STK32B: variants seen among roughly 807,000 people sequenced by gnomAD.
The protein encoded by STK32B is serine/threonine kinase 32B, also known as serine/threonine-protein kinase 32B.
STK32B carries 43 observed loss-of-function variants against 52.6 expected under a neutral mutation model. The ratio of observed to expected loss-of-function variants is 0.82; its 90% CI spans 0.64 to 1.05. STK32B has a LOEUF of 1.05. Among genes scored for constraint, STK32B ranks in the 50% least tolerant of loss-of-function variants. STK32B has a pLI of 0.00. For missense variants in STK32B, 621 were observed against 534.6 expected (o/e 1.16, Z -1.59); for synonymous variants, 238 against 204.3 (o/e 1.17, Z -1.41).
intron 2 of STK32B, among the ~76,000 whole-genome samples, chr4:5,151,708 A>G (rs1717381780): frequency 2.0e-5 from 3 of 152,176 alleles, no homozygotes; most frequent in Admixed American, 2.0e-4. Context: ...TAGATTTTGG[A>G]GTCAGGCTGA....
At chr4:5,109,886 A>G (rs1714302934) in intron 1 of STK32B, among the ~76,000 whole-genome samples, 1 of 152,096 alleles carries the variant, frequency 6.6e-6, no homozygotes, top group Non-Finnish European at 1.5e-5. Flanking sequence ...CCTCTAGAAG[A>G]CTCCTAAACC....
intron 2 of STK32B, among the ~76,000 whole-genome samples, chr4:5,156,021 T>TAC (rs1301388890): frequency 6.6e-6 from 1 of 151,982 alleles, no homozygotes; most frequent in Non-Finnish European, 1.5e-5. Context: ...AGTATATATG[T>TAC]ACATATACCT....
intron 2 of STK32B, among the ~76,000 whole-genome samples, chr4:5,167,351 T>A (rs573308156): frequency 7.5e-4 from 114 of 152,326 alleles, no homozygotes; most frequent in African/African-American, 2.5e-3. Flanking sequence ...AAGGTTCTTA[T>A]AGGGATTCAG....
chr4:5,181,519 G>A (rs1403952940), intron 3 of STK32B, among the ~76,000 whole-genome samples: 1 of 152,190 alleles, frequency 6.6e-6, no homozygotes, highest in Non-Finnish European at 1.5e-5. Context: ...GACTAATAAA[G>A]GTCTCCACTA....
At chr4:5,139,830 A>G (rs948414467) in intron 1 of STK32B, 75 bp from the exon 2 acceptor site, 65 of 1,565,088 alleles carry the variant, frequency 4.2e-5, no homozygotes, top group Admixed American at 3.3e-5. Flanking sequence ...GGGTAGGTAC[A>G]TAGGTAAGGA....
At chr4:5,164,360 C>T (rs1718699037) in intron 2 of STK32B, among the ~76,000 whole-genome samples, 2 of 152,234 alleles carry the variant, frequency 1.3e-5, no homozygotes, top group Admixed American at 1.3e-4. Flanking sequence ...GGATGTGTCT[C>T]CTCCCCTTCT....
intron 4 of STK32B, among the ~76,000 whole-genome samples, chr4:5,345,908 C>T (rs1276922296): frequency 2.6e-5 from 4 of 152,218 alleles, no homozygotes; most frequent in Admixed American, 6.5e-5. Context: ...TCAACATCCT[C>T]CCTCCCTGAA....
intron 1 of STK32B, among the ~76,000 whole-genome samples, chr4:5,055,682 C>G (rs1404876292): frequency 6.6e-6 from 1 of 152,156 alleles, no homozygotes; most frequent in East Asian, 1.9e-4. Context: ...CTGCCTCCTT[C>G]CTGCTCGTCT....
intron 2 of STK32B, among the ~76,000 whole-genome samples, chr4:5,144,085 G>C (rs536697676): frequency 8.3e-4 from 126 of 152,240 alleles, no homozygotes; most frequent in Middle Eastern, 3.4e-3. Context: ...ATAACACATT[G>C]GGCGGACACA....
chr4:5,084,323 C>T (rs897475028), intron 1 of STK32B, among the ~76,000 whole-genome samples: 1 of 152,160 alleles, frequency 6.6e-6, no homozygotes, highest in Non-Finnish European at 1.5e-5. Context: ...TGAGCGCCTT[C>T]TGCCAAACTT....
chr4:5,166,444 G>A (rs530612035), intron 2 of STK32B, among the ~76,000 whole-genome samples: 30 of 148,932 alleles, frequency 2.0e-4, no homozygotes, highest in African/African-American at 3.2e-4. Context: ...TGGAAATGGC[G>A]TCATTTTAAG....
chr4:5,485,916 G>A (rs191537389), intron 11 of STK32B, among the ~76,000 whole-genome samples: 221 of 152,338 alleles, frequency 1.5e-3, no homozygotes, highest in Admixed American at 2.6e-3. Flanking sequence ...TTGGTGAACA[G>A]CAAATGTTGC....
intron 3 of STK32B, among the ~76,000 whole-genome samples, chr4:5,330,856 G>T (rs1577356534): frequency 6.6e-6 from 1 of 152,174 alleles, no homozygotes; most frequent in African/African-American, 2.4e-5. Context: ...GTGTGTCTTT[G>T]GAGGCTAGCT....
chr4:5,396,065 G>A lies in STK32B; in HGVS notation c.435-2142G>A, dbSNP rs557722971. On this transcript the variant is annotated intron_variant, in intron 4 of 11. Transcript: ENST00000282908. The surrounding 1 kb of genome is among the most constrained non-coding windows in gnomAD (Gnocchi z 4.7). The stretch of plus-strand genomic sequence containing the variant: ...CAACTCTATCAGCTCTCCTTCCACC[G>A]TGCCAGTTGTGTTAGCTTCCGGGGA... Among the ~76,000 whole-genome samples, 6 of 152,338 alleles carry A rather than the reference G, an allele frequency of 3.9e-5. No individual in the cohort carries two copies. Among genetic ancestry groups the A allele is most frequent in the African/African-American group, 7.2e-5 (3 of 41,584 alleles).
intron 5 of STK32B, among the ~76,000 whole-genome samples, chr4:5,406,399 T>C (rs2086881418): frequency 6.6e-6 from 1 of 152,126 alleles, no homozygotes; most frequent in Non-Finnish European, 1.5e-5. Context: ...TGGGCCCTCT[T>C]CTCACAACTC....
chr4:5,105,088 ATTG>A (rs1190528228), intron 1 of STK32B, among the ~76,000 whole-genome samples: 2 of 152,170 alleles, frequency 1.3e-5, no homozygotes, highest in Admixed American at 6.5e-5. Flanking sequence ...CTTATTGACA[ATTG>A]TTGTTGTCTG....
At chr4:5,335,987 G>A (rs114956950) in intron 4 of STK32B, among the ~76,000 whole-genome samples, 540 of 151,578 alleles carry the variant, frequency 3.6e-3, no homozygotes, top group African/African-American at 0.011. Context: ...ACTCTGCAGA[G>A]CCAGGTGGTT....
intron 3 of STK32B, among the ~76,000 whole-genome samples, chr4:5,264,295 A>G (rs1726914132): frequency 6.6e-6 from 1 of 152,158 alleles, no homozygotes; most frequent in African/African-American, 2.4e-5. Context: ...ATCCTTATCA[A>G]CATTTGCAGT....
chr4:5,231,857 A>AT (rs34896101), intron 3 of STK32B, among the ~76,000 whole-genome samples: 3 of 152,138 alleles, frequency 2.0e-5, no homozygotes, highest in African/African-American at 4.8e-5. Flanking sequence ...CACAGCGGGT[A>AT]TTTTTTGAGG....
Sources: gnomAD v4.1 joint callset for allele counts (sites outside exome capture counted in the v4.1 genomes callset) on GRCh38, gnomAD v4.1.1 for gene constraint, Gnocchi (gnomAD v3.1) non-coding constraint, MANE v1.5 for transcripts, NCBI Gene and HGNC (gene_info 2026-07-23, HGNC 2026-07-21) for gene names.